Variants in SGK3 observed in about 807,000 individuals in gnomAD.
The protein encoded by SGK3 is serum/glucocorticoid regulated kinase family member 3.
A neutral mutation model predicts 68.5 loss-of-function variants in SGK3; 47 were observed. That is an observed-to-expected ratio of 0.69 (90% confidence interval 0.54 to 0.87). The LOEUF is 0.87. Ranked by LOEUF, SGK3 falls within the 40% of genes least tolerant of loss-of-function variation. The pLI, the probability that SGK3 is intolerant of heterozygous loss-of-function variation, is 0.00. For synonymous variants in SGK3, 181 were observed against 189.1 expected, an observed-to-expected ratio of 0.96 and a Z score of 0.35; for missense variants, 479 against 575.5, an observed-to-expected ratio of 0.83 and a Z score of 1.72.
rs115894953 is a variant in SGK3, at chr8:66,745,671, A to G, written c.-122+32838A>G. 7.5e-3 allele frequency among the ~76,000 whole-genome samples: 1,146 copies of G among 152,348 alleles called. 10 individuals carry two copies. The highest frequency in any genetic ancestry group is 0.026 in the African/African-American group (1,075 of 41,574). On this transcript the variant is annotated intron_variant, in intron 1 of 16. Transcript: ENST00000521198. ...GTCTTAGTCCATTTGTGCTGCTGCT[A>G]TAGCAGAATGCCTGAGACTGGGTAA...
intron 1 of SGK3, among the ~76,000 whole-genome samples, chr8:66,738,220 A>G (rs915889907): frequency 2.6e-5 from 4 of 152,088 alleles, no homozygotes; most frequent in African/African-American, 9.7e-5. Flanking sequence ...TTTACTTGGT[A>G]AATATTTCTC....
At chr8:66,820,726 C>T (rs965658144) in intron 5 of SGK3, among the ~76,000 whole-genome samples, 2 of 152,058 alleles carry the variant, frequency 1.3e-5, no homozygotes, top group Non-Finnish European at 2.9e-5. Context: ...TTTTTAGAGA[C>T]AAGTTGTTGC....
At chr8:66,802,602 C>T (rs1032705341) in intron 3 of SGK3, among the ~76,000 whole-genome samples, 1 of 150,990 alleles carries the variant, frequency 6.6e-6, no homozygotes, top group African/African-American at 2.4e-5. Context: ...AGGGGAGGAT[C>T]ACTTGAGCCC....
intron 1 of SGK3, among the ~76,000 whole-genome samples, chr8:66,713,959 G>A (rs925037301): frequency 6.6e-6 from 1 of 152,134 alleles, no homozygotes; most frequent in African/African-American, 2.4e-5. Context: ...CTGGGAATGC[G>A]ACCTGTTCAA....
chr8:66,760,343 T>C (rs201440812), intron 1 of SGK3, among the ~76,000 whole-genome samples: 6,666 of 145,634 alleles, frequency 0.046, 257 homozygotes, highest in African/African-American at 0.087. Flanking sequence ...TTTTTTTTTT[T>C]TTTTTTTTTG....
chr8:66,853,123 A>C (rs368492396), intron 16 of SGK3, among the ~76,000 whole-genome samples: 1 of 152,174 alleles, frequency 6.6e-6, no homozygotes, highest in Non-Finnish European at 1.5e-5. Flanking sequence ...CACACAGTAG[A>C]TATTTAATTA....
intron 16 of SGK3, among the ~76,000 whole-genome samples, chr8:66,857,551 G>A (rs1364694690): frequency 1.3e-5 from 2 of 152,074 alleles, no homozygotes; most frequent in Non-Finnish European, 2.9e-5. Flanking sequence ...GGAGGCTGAG[G>A]TGGGAGGATT....
At chr8:66,740,732 C>A (rs905316485) in intron 1 of SGK3, among the ~76,000 whole-genome samples, 3 of 151,954 alleles carry the variant, frequency 2.0e-5, no homozygotes, top group African/African-American at 7.3e-5. Flanking sequence ...CATGGCGAAA[C>A]CCTGTCTCTA....
At chr8:66,814,183 A>G (rs753726064) in intron 5 of SGK3, among the ~76,000 whole-genome samples, 20 of 152,194 alleles carry the variant, frequency 1.3e-4, no homozygotes, top group Non-Finnish European at 2.4e-4. Context: ...AAATTAAAGC[A>G]TCTTGCTAAT....
intron 1 of SGK3, among the ~76,000 whole-genome samples, chr8:66,777,274 T>C (rs1267946724): frequency 6.6e-6 from 1 of 152,222 alleles, no homozygotes; most frequent in Non-Finnish European, 1.5e-5. Context: ...GATTGACTTA[T>C]TCATTATCTG....
intron 1 of SGK3, among the ~76,000 whole-genome samples, chr8:66,722,713 G>A (rs1408654544): frequency 1.3e-5 from 2 of 152,178 alleles, no homozygotes; most frequent in African/African-American, 4.8e-5. Flanking sequence ...AAAAATACCT[G>A]AGACTGAGTA....
intron 1 of SGK3, among the ~76,000 whole-genome samples, chr8:66,763,993 T>C (rs576363604): frequency 1.8e-3 from 275 of 152,232 alleles, no homozygotes; most frequent in African/African-American, 6.2e-3. Context: ...TCTCTCAGCC[T>C]CCCGAGTAGC....
intron 1 of SGK3, chr8:66,768,139 C>T (rs1271045470): frequency 2.6e-6 from 1 of 384,590 alleles, no homozygotes; most frequent in African/African-American, 2.1e-5. Context: ...TGGTATACTT[C>T]CATGTCTCTA....
At chr8:66,828,181 CTG>C (rs1809145348) in intron 6 of SGK3, among the ~76,000 whole-genome samples, 1 of 151,894 alleles carries the variant, frequency 6.6e-6, no homozygotes, top group African/African-American at 2.4e-5. Flanking sequence ...TTTGCTTTGT[CTG>C]TATTTACCTA....
At position 66,828,504 on chromosome 8, in the gene SGK3, A is replaced by C; in HGVS notation, c.418-150A>C. ...TCTATGTGTATTTCCAAGTAAGTCT[A>C]TACCCTTACTGAGAATCAGGACTTT... On this transcript the variant is annotated intron_variant, in intron 6 of 16. Coordinates refer to ENST00000521198, the MANE Select transcript of SGK3 (RefSeq NM_001033578.3). 3 of 952,738 alleles carry C rather than the reference A, an allele frequency of 3.1e-6. No individual in the cohort carries two copies. The South Asian group carries it at 4.9e-5, about 15-fold the overall frequency. The allele number at this position is 952,738 out of a possible 1,614,324, so 59.0% of individuals were successfully genotyped here.
chr8:66,824,328 C>A (rs1808967271), intron 6 of SGK3, among the ~76,000 whole-genome samples: 2 of 151,946 alleles, frequency 1.3e-5, no homozygotes, highest in Non-Finnish European at 2.9e-5. Flanking sequence ...AAGAATGATA[C>A]TTAACACCAT....
intron 5 of SGK3, among the ~76,000 whole-genome samples, chr8:66,815,136 A>G (rs986261683): frequency 6.6e-6 from 1 of 152,220 alleles, no homozygotes; most frequent in African/African-American, 2.4e-5. Context: ...GGTTCTTTAT[A>G]GCTCACAGAG....
intron 1 of SGK3, among the ~76,000 whole-genome samples, chr8:66,760,446 T>C (rs1045524884): frequency 6.8e-5 from 10 of 146,824 alleles, no homozygotes; most frequent in Non-Finnish European, 1.4e-4. Context: ...ACCATTCTCC[T>C]ACCTCAGCCT....
chr8:66,735,890 G>C (rs1805303969), intron 1 of SGK3, among the ~76,000 whole-genome samples: 1 of 152,108 alleles, frequency 6.6e-6, no homozygotes, highest in African/African-American at 2.4e-5. Flanking sequence ...GCACTCAATA[G>C]ATCTATCCAA....
Sources: gnomAD v4.1 joint callset for allele counts (sites outside exome capture counted in the v4.1 genomes callset) on GRCh38, gnomAD v4.1.1 for gene constraint, MANE v1.5 for transcripts, NCBI Gene and HGNC (gene_info 2026-07-23, HGNC 2026-07-21) for gene names.